Variants in SCAND3 observed in about 807,000 individuals in gnomAD.
The protein encoded by SCAND3 is SCAN domain containing 3.
chr6:28,613,251 A>T, the SCAND3 span, among the ~76,000 whole-genome samples: 3 of 152,168 alleles, frequency 2.0e-5, no homozygotes, highest in Non-Finnish European at 4.4e-5. Flanking sequence ...TACCTCCCTC[A>T]ACTCAACGAA....
the SCAND3 span, chr6:28,597,825 C>G: frequency 2.9e-4 from 44 of 152,242 alleles, no homozygotes; most frequent in African/African-American, 8.7e-4. Context: ...TGGGAGGTGC[C>G]AGAAATTAGC....
the SCAND3 span, among the ~76,000 whole-genome samples, chr6:28,588,834 C>A: frequency 3.9e-5 from 6 of 152,320 alleles, no homozygotes; most frequent in African/African-American, 1.4e-4. This position sits in a 1 kb window ranked among gnomAD's most constrained non-coding sequence, Gnocchi z 4.1. Flanking sequence ...ATAGATATTG[C>A]TAAAAGATCT....
chr6:28,572,594 T>A, the SCAND3 span: 1 of 1,614,096 alleles, frequency 6.2e-7, no homozygotes, highest in South Asian at 1.1e-5. This position sits in a 1 kb window ranked among gnomAD's most constrained non-coding sequence, Gnocchi z 4.1. Flanking sequence ...AGTCTGGCTG[T>A]CCAATTCACA....
chr6:28,586,528 G>A, the SCAND3 span: 3 of 1,614,268 alleles, frequency 1.9e-6, no homozygotes, highest in Admixed American at 1.7e-5. The surrounding 1 kb of genome is among the most constrained non-coding windows in gnomAD (Gnocchi z 4.4). Flanking sequence ...CTGGGCCCAG[G>A]TGTCTCCTGA....
At chr6:28,586,268 C>T in the SCAND3 span, 1 of 1,552,338 alleles carries the variant, frequency 6.4e-7, no homozygotes, top group Non-Finnish European at 8.7e-7. The surrounding 1 kb of genome is among the most constrained non-coding windows in gnomAD (Gnocchi z 4.4). Flanking sequence ...CCCAAATTCT[C>T]CACAGAAGAT....
the SCAND3 span, chr6:28,594,377 AGGAACAGT>A: frequency 2.0e-5 from 3 of 152,276 alleles, no homozygotes; most frequent in Non-Finnish European, 4.4e-5. Context: ...GTGCTAGGCC[AGGAACAGT>A]GGCTCAAGCC....
the SCAND3 span, among the ~76,000 whole-genome samples, chr6:28,605,569 C>T: frequency 4.0e-5 from 6 of 151,606 alleles, no homozygotes; most frequent in Non-Finnish European, 8.8e-5. Flanking sequence ...AGCAGTGGCT[C>T]ATGCCTGTAA....
the SCAND3 span, chr6:28,576,132 T>C: frequency 6.4e-7 from 1 of 1,564,958 alleles, no homozygotes; most frequent in Non-Finnish European, 8.6e-7. Flanking sequence ...ACCACAAAAA[T>C]GACCCTAAAA....
the SCAND3 span, among the ~76,000 whole-genome samples, chr6:28,613,195 T>C: frequency 6.6e-6 from 1 of 152,120 alleles, no homozygotes; most frequent in African/African-American, 2.4e-5. Flanking sequence ...AAGCTGAAAT[T>C]TTCTAGTACA....
chr6:28,581,785 C>G, the SCAND3 span, among the ~76,000 whole-genome samples: 1 of 152,214 alleles, frequency 6.6e-6, no homozygotes, highest in Non-Finnish European at 1.5e-5. Context: ...AATTCTGTTG[C>G]ATAGTTAACT....
At chr6:28,608,265 C>A in the SCAND3 span, among the ~76,000 whole-genome samples, 1 of 152,222 alleles carries the variant, frequency 6.6e-6, no homozygotes, top group East Asian at 1.9e-4. Context: ...TGAACATCTG[C>A]TTCTTAGATC....
chr6:28,595,355 AGAAGAAG>A, the SCAND3 span, among the ~76,000 whole-genome samples: 2 of 132,420 alleles, frequency 1.5e-5, no homozygotes, highest in African/African-American at 5.5e-5. Flanking sequence ...AAAAAAAAAA[AGAAGAAG>A]AAGAAGAAGA....
At chr6:28,608,320 G>T in the SCAND3 span, among the ~76,000 whole-genome samples, 1 of 152,106 alleles carries the variant, frequency 6.6e-6, no homozygotes, top group Non-Finnish European at 1.5e-5. Flanking sequence ...AGAGGTCTGA[G>T]CCTTTTGCAG....
At chr6:28,577,905 C>T in the SCAND3 span, among the ~76,000 whole-genome samples, 1 of 152,172 alleles carries the variant, frequency 6.6e-6, no homozygotes, top group Non-Finnish European at 1.5e-5. Context: ...CTTTTTAGGT[C>T]AAAATAATGT....
the SCAND3 span, among the ~76,000 whole-genome samples, chr6:28,588,561 C>T: frequency 6.6e-6 from 1 of 152,188 alleles, no homozygotes; most frequent in Admixed American, 6.5e-5. This position sits in a 1 kb window ranked among gnomAD's most constrained non-coding sequence, Gnocchi z 4.1. Context: ...AAATTGATGC[C>T]GAGTTTGTTG....
chr6:28,575,366 C>A, the SCAND3 span: 1 of 1,614,062 alleles, frequency 6.2e-7, no homozygotes, highest in Admixed American at 1.7e-5. This position sits in a 1 kb window ranked among gnomAD's most constrained non-coding sequence, Gnocchi z 4.2. Context: ...AGTTCACTGA[C>A]AACCTGGCTT....
At chr6:28,573,143 A>C in the SCAND3 span, 3 of 1,612,802 alleles carry the variant, frequency 1.9e-6, no homozygotes, top group East Asian at 6.7e-5. Flanking sequence ...ACATAGACTA[A>C]AAGAATTATC....
chr6:28,572,585 G>C, the SCAND3 span: 1 of 1,613,938 alleles, frequency 6.2e-7, no homozygotes, highest in Non-Finnish European at 8.5e-7. The surrounding 1 kb of genome is among the most constrained non-coding windows in gnomAD (Gnocchi z 4.1). Context: ...AAATAAGCAA[G>C]TCTGGCTGTC....
chr6:28,611,213 G>C, the SCAND3 span, among the ~76,000 whole-genome samples: 1 of 152,166 alleles, frequency 6.6e-6, no homozygotes, highest in African/African-American at 2.4e-5. Context: ...ACTACCCAGT[G>C]GTGGTTTCAC....
Sources: gnomAD v4.1 joint callset for allele counts (sites outside exome capture counted in the v4.1 genomes callset) on GRCh38, gnomAD v4.1.1 for gene constraint, Gnocchi (gnomAD v3.1) non-coding constraint, MANE v1.5 for transcripts, NCBI Gene and HGNC (gene_info 2026-07-23, HGNC 2026-07-21) for gene names.